DDX11: variants seen among roughly 807,000 people sequenced by gnomAD.
The protein encoded by DDX11 is ATP-dependent DNA helicase DDX11.
A neutral mutation model predicts 125.2 loss-of-function variants in DDX11; 72 were observed. That is an observed-to-expected ratio of 0.58 (90% CI 0.48 to 0.70). DDX11 has a LOEUF of 0.70. Ranked by LOEUF, DDX11 falls within the 30% of genes least tolerant of loss-of-function variation. DDX11 has a pLI of 0.00. For missense variants in DDX11, 883 were observed against 1,165.0 expected, an observed-to-expected ratio of 0.76 and a Z score of 3.52; for synonymous variants, 347 against 452.6, an observed-to-expected ratio of 0.77 and a Z score of 2.96.
At chr12:31,098,380 A>G (rs1945704440) in intron 18 of DDX11, among the ~76,000 whole-genome samples, 1 of 152,290 alleles carries the variant, frequency 6.6e-6, no homozygotes. Context: ...TTAAAAACAA[A>G]AGTACGGCTC....
chr12:31,091,709 C>G lies in DDX11; in HGVS notation c.1090-10C>G. The G allele has an allele frequency of 3.1e-6, 5 of 1,604,846 alleles. No homozygotes were observed. The highest frequency in any genetic ancestry group is 4.3e-6 in the Non-Finnish European group (5 of 1,176,106). ...CCGCCCTGCTCAGGTGGCCTCATCT[C>G]CCCTCCCAGCTGGTGGTGCTGCCCT... is the stretch of plus-strand genomic sequence containing the variant. On this transcript the variant is annotated splice_polypyrimidine_tract_variant and intron_variant, in intron 9 of 26. Transcript: ENST00000542838.
At chr12:31,087,735 CCCTACCCACAGA>C in intron 5 of DDX11, 191 bp from the exon 6 acceptor site, 2 of 855,994 alleles carry the variant, frequency 2.3e-6, no homozygotes, top group South Asian at 2.9e-5. Flanking sequence ...TTTTACATTT[CCCTACCCACAGA>C]CCTGAGCGGC....
Position 31,103,881 on chromosome 12 carries a change from T to C in DDX11, c.*45T>C. ...CTGGCGCCGTGCCCTTCCTTTGTCC[T>C]GCCCGCTGGAGACAGTGTTTGTCGT... On this transcript the variant is annotated 3_prime_UTR_variant, in exon 27 of 27. Transcript: ENST00000542838. The C allele has an allele frequency of 6.2e-7, 1 of 1,614,000 alleles. No homozygotes were observed. The highest frequency in any genetic ancestry group is 1.3e-5 in the African/African-American group (1 of 75,062).
chr12:31,079,425 C>A (rs1418687166), intron 2 of DDX11, among the ~76,000 whole-genome samples: 3 of 139,490 alleles, frequency 2.2e-5, no homozygotes, highest in Non-Finnish European at 4.6e-5. Context: ...GTTGAAGATC[C>A]AGATTCTGGC....
At chr12:31,077,810 C>T (rs577102284) in intron 1 of DDX11, 289 of 192,080 alleles carry the variant, frequency 1.5e-3, no homozygotes, top group Non-Finnish European at 2.4e-3. Flanking sequence ...CGCCACTGCA[C>T]TCCAGCCTGG....
chr12:31,081,606 C>G (rs1941954303), intron 2 of DDX11, among the ~76,000 whole-genome samples: 1 of 151,544 alleles, frequency 6.6e-6, no homozygotes, highest in Non-Finnish European at 1.5e-5. Context: ...TGAGCATTTT[C>G]TAGGGGCTCT....
rs1010931508 is a variant in DDX11 at position 31,086,217 on chromosome 12, C to T, written c.638+1091C>T. 3.1e-4 allele frequency: 138 copies of T among 438,738 alleles called. 1 individual carries two copies. The highest frequency in any genetic ancestry group is 1.5e-3 in the East Asian group (22 of 14,208). 27.2% of individuals were successfully genotyped at this position (438,738 alleles called of 1,614,324 possible). The stretch of plus-strand genomic sequence containing the variant: ...CTCCTTTAAGGCCTGGCTCAGGTGT[C>T]GTCTTGGTGGCTTCGGGTGTCAGCT... On this transcript the variant is annotated intron_variant, in intron 5 of 26. Coordinates refer to ENST00000542838, the MANE Select transcript of DDX11 (RefSeq NM_030653.4).
chr12:31,077,038 T>C (rs1168812049), intron 1 of DDX11: 3 of 152,390 alleles, frequency 2.0e-5, no homozygotes, highest in Non-Finnish European at 2.9e-5. Flanking sequence ...CCCTCGTAAA[T>C]AGAGTGACAC....
At position 31,083,795 on chromosome 12, in the gene DDX11, T is replaced by A. The variant is rs1565856395; in HGVS notation, c.145-18T>A. On this transcript the variant is annotated intron_variant, in intron 2 of 26. Coordinates refer to ENST00000542838, the MANE Select transcript of DDX11 (RefSeq NM_030653.4). ...TTTGTTGTTTTCCTGTTTCTAAAGA[T>A]CATTTTTCTTCCTGCAGGGGAAGTC... 2.5e-6 allele frequency: 4 copies of A among 1,611,692 alleles called. No homozygotes were observed. The highest frequency in any genetic ancestry group is 3.4e-6 in the Non-Finnish European group (4 of 1,179,618).
chr12:31,085,135 G>A lies in DDX11; in HGVS notation c.638+9G>A, dbSNP rs1397757709. 6 of 1,555,226 alleles carry A rather than the reference G, an allele frequency of 3.9e-6. No individual in the cohort carries two copies. In the Admixed American group the frequency reaches 9.7e-5, roughly 25 times the overall value. On this transcript the variant is annotated intron_variant, in intron 5 of 26. Coordinates refer to ENST00000542838, the MANE Select transcript of DDX11 (RefSeq NM_030653.4). ...AAAAAGGTGGCGAGCAGGTGAGACA[G>A]AGGCGGTAGCACTACCCTGCCCCAG...
chr12:31,075,893 T>C (rs1351328898), intron 1 of DDX11, among the ~76,000 whole-genome samples: 1 of 152,012 alleles, frequency 6.6e-6, no homozygotes. Flanking sequence ...TTTTTAAAAG[T>C]GACTTAGAGC....
chr12:31,093,702 C>T, intron 12 of DDX11: 1 of 170,844 alleles, frequency 5.9e-6, no homozygotes. Context: ...GTCTGGGCGA[C>T]AGAGTGAGAA....
intron 20 of DDX11, 128 bp from the exon 21 acceptor site, chr12:31,101,705 C>T: frequency 3.0e-6 from 4 of 1,333,704 alleles, no homozygotes; most frequent in Non-Finnish European, 4.3e-6. Flanking sequence ...GAGCCAAGTC[C>T]TCTTCCTTGG....
chr12:31,102,038 C>T (rs564077102), intron 21 of DDX11, 56 bp downstream of exon 21: 12 of 1,592,886 alleles, frequency 7.5e-6, no homozygotes, highest in South Asian at 4.5e-5. Flanking sequence ...CTGAGTCCTC[C>T]TGGGAGCTCT....
chr12:31,103,111 C>T (rs867132792), intron 24 of DDX11, 91 bp downstream of exon 24: 5 of 1,497,158 alleles, frequency 3.3e-6, no homozygotes, highest in Middle Eastern at 2.0e-4. Flanking sequence ...CCAGGCCTTC[C>T]CCGCTGCGCT....
In DDX11 at chr12:31,102,955, A is replaced by G. The variant is rs774230643; in HGVS notation, c.2392A>G (p.Met798Val). The stretch of plus-strand genomic sequence containing the variant: ...GCCCAGGTGTGTGGTGATGGTGGGC[A>G]TGCCCTTCCCCAACATCAGGTCTGC... ...NLGRCVVMVG[M>V]PFPNIRSAEL... The change falls in exon 24 of 27, where the codon ATG becomes GTG. Residue 798 changes from methionine (M) to valine (V), a missense_variant. Met to Val is a conservative substitution (Grantham distance 21, BLOSUM62 1). Coordinates refer to ENST00000542838, the MANE Select transcript of DDX11 (RefSeq NM_030653.4). 3 of 1,613,974 alleles carry G rather than the reference A, an allele frequency of 1.9e-6. No individual in the cohort carries two copies. Among genetic ancestry groups the G allele is most frequent in the South Asian group, 2.2e-5 (2 of 91,076 alleles).
chr12:31,097,234 G>A (rs1039714989), intron 17 of DDX11, among the ~76,000 whole-genome samples: 2 of 151,706 alleles, frequency 1.3e-5, no homozygotes, highest in Admixed American at 6.6e-5. Context: ...GGAGGAGATC[G>A]AGGAGCTGGG....
At position 31,094,223 on chromosome 12, in the gene DDX11, G is replaced by A. The variant is rs1944806119; in HGVS notation, c.1370-367G>A. The stretch of plus-strand genomic sequence containing the variant: ...TGGCGGGAGCTGGTCTCGTGTTGCT[G>A]CTCTGAGCCACCAGCTCTGCTTTGC... On this transcript the variant is annotated intron_variant, in intron 12 of 26. Transcript: ENST00000542838. 1.7e-5 allele frequency: 6 copies of A among 347,244 alleles called. No individual in the cohort carries two copies. In the Admixed American group the frequency reaches 2.4e-4, roughly 14 times the overall value. 21.5% of individuals were successfully genotyped at this position (347,244 alleles called of 1,614,324 possible).
intron 4 of DDX11, 32 bp from the exon 5 acceptor site, chr12:31,084,933 TCTTC>T (rs1942796579): frequency 6.3e-7 from 1 of 1,579,496 alleles, no homozygotes; most frequent in Admixed American, 1.8e-5. Flanking sequence ...TGCTGAGACT[TCTTC>T]CTCCCTCACC....
Sources: gnomAD v4.1 joint callset for allele counts (sites outside exome capture counted in the v4.1 genomes callset) on GRCh38, gnomAD v4.1.1 for gene constraint, MANE v1.5 for transcripts, NCBI Gene and HGNC (gene_info 2026-07-23, HGNC 2026-07-21) for gene names.